Variants in NTM observed in about 807,000 individuals in gnomAD.
The protein encoded by NTM is IgLON family member 2.
NTM carries 13 observed loss-of-function variants against 42.1 expected under a neutral mutation model. That is an observed-to-expected ratio of 0.31 (90% CI 0.20 to 0.49). NTM has a LOEUF of 0.49. Among genes scored for constraint, NTM ranks in the 20% least tolerant of loss-of-function variants. The pLI is 0.99. For synonymous variants in NTM, 187 were observed against 179.2 expected (o/e 1.04, Z -0.35); for missense variants, 373 against 452.8 (o/e 0.82, Z 1.60).
At chr11:131,973,334 A>C (rs1219885295) in intron 2 of NTM, among the ~76,000 whole-genome samples, 2 of 152,236 alleles carry the variant, frequency 1.3e-5, no homozygotes, top group East Asian at 3.8e-4. Flanking sequence ...AGAATTCTAA[A>C]TGTGAGGCCT....
intron 1 of NTM, among the ~76,000 whole-genome samples, chr11:131,508,076 A>G (rs1353162273): frequency 0.01 from 1,498 of 148,910 alleles, 21 homozygotes; most frequent in African/African-American, 0.036. Flanking sequence ...AGCAAAAGAA[A>G]CTACCATCAG....
chr11:132,025,096 T>A (rs924883159), intron 2 of NTM, among the ~76,000 whole-genome samples: 9 of 152,140 alleles, frequency 5.9e-5, no homozygotes, highest in Non-Finnish European at 1.3e-4. Flanking sequence ...GGGATTCAGC[T>A]ACAGAGGGGA....
At chr11:131,695,663 C>T (rs907568085) in intron 1 of NTM, among the ~76,000 whole-genome samples, 7 of 152,128 alleles carry the variant, frequency 4.6e-5, no homozygotes, top group African/African-American at 1.2e-4. Flanking sequence ...GCAACTTCAC[C>T]GGCATGCCCA....
chr11:132,009,307 G>C (rs1310776386), intron 2 of NTM, among the ~76,000 whole-genome samples: 3 of 152,138 alleles, frequency 2.0e-5, no homozygotes, highest in Non-Finnish European at 2.9e-5. Flanking sequence ...ACTCCTCATT[G>C]TGTACCTGGC....
chr11:131,867,761 T>A (rs1446166667), intron 1 of NTM, among the ~76,000 whole-genome samples: 1 of 152,168 alleles, frequency 6.6e-6, no homozygotes, highest in Non-Finnish European at 1.5e-5. Context: ...TATGCCTGTG[T>A]GTATGATGCG....
chr11:131,529,562 A>G (rs950727879), intron 1 of NTM, among the ~76,000 whole-genome samples: 3 of 152,172 alleles, frequency 2.0e-5, no homozygotes, highest in African/African-American at 7.2e-5. Flanking sequence ...TCCAGGGAAA[A>G]TGTGGGTTTC....
chr11:131,768,718 G>A (rs915985134), intron 1 of NTM, among the ~76,000 whole-genome samples: 3 of 152,136 alleles, frequency 2.0e-5, no homozygotes, highest in African/African-American at 7.2e-5. Context: ...ACATGAACTA[G>A]GTGTCACGTA....
intron 1 of NTM, among the ~76,000 whole-genome samples, chr11:131,408,213 C>A (rs1946019128): frequency 6.6e-6 from 1 of 152,124 alleles, no homozygotes; most frequent in Non-Finnish European, 1.5e-5. Context: ...CCCTCCCCGG[C>A]CAAAAGAGGG....
rs112768807 is a variant in NTM, at chr11:132,142,149, C to T, written c.168-4133C>T. On this transcript the variant is annotated intron_variant, in intron 2 of 8. Coordinates refer to ENST00000683400, the MANE Select transcript of NTM (RefSeq NM_001352005.2). ...ACGAAAGGGGAGAGGCTTTGCAGGTCTGATCTGGGAACATCCCGCCCTTTT... is the reference window on the plus strand; with the variant it reads ...ACGAAAGGGGAGAGGCTTTGCAGGTTTGATCTGGGAACATCCCGCCCTTTT... Among the ~76,000 whole-genome samples the T allele has an allele frequency of 6.6e-3, 1,001 of 152,312 alleles. 19 individuals are homozygous for T. Among genetic ancestry groups the T allele is most frequent in the African/African-American group, 0.023 (965 of 41,576 alleles).
chr11:131,683,784 G>A (rs2073380145), intron 1 of NTM, among the ~76,000 whole-genome samples: 1 of 152,200 alleles, frequency 6.6e-6, no homozygotes, highest in Non-Finnish European at 1.5e-5. Flanking sequence ...AGTTTTAGAG[G>A]AAGGTCCCCT....
At chr11:131,410,075 C>T (rs1006064530) in intron 1 of NTM, among the ~76,000 whole-genome samples, 2 of 152,072 alleles carry the variant, frequency 1.3e-5, no homozygotes, top group Non-Finnish European at 2.9e-5. Flanking sequence ...GAGCAGGGAG[C>T]AACAGATGGC....
chr11:131,991,565 A>C (rs2067027926), intron 2 of NTM, among the ~76,000 whole-genome samples: 1 of 151,904 alleles, frequency 6.6e-6, no homozygotes, highest in African/African-American at 2.4e-5. Flanking sequence ...CAGACAAGAC[A>C]AGTGTCAGTG....
In NTM at chr11:132,002,015, A is replaced by G. The variant is rs774339272; in HGVS notation, c.167+90367A>G. 6.6e-6 allele frequency among the ~76,000 whole-genome samples: 1 copy of G among 152,162 alleles called. No homozygotes were observed. Among genetic ancestry groups the G allele is most frequent in the African/African-American group, 2.4e-5 (1 of 41,448 alleles). On this transcript the variant is annotated intron_variant, in intron 2 of 8. Transcript: ENST00000683400. The surrounding 1 kb of genome is among the most constrained non-coding windows in gnomAD (Gnocchi z 4.5). Reference sequence around the variant, plus strand: ...AAGCCTCATGTGTAGAAAAACTTGAATAAAAGCAATGGCAGGGACAGCCAA... The same window carrying G: ...AAGCCTCATGTGTAGAAAAACTTGAGTAAAAGCAATGGCAGGGACAGCCAA...
intron 2 of NTM, among the ~76,000 whole-genome samples, chr11:131,943,217 G>A (rs1433975112): frequency 4.6e-5 from 7 of 152,114 alleles, no homozygotes; most frequent in African/African-American, 1.7e-4. Context: ...TGCAGAGGCC[G>A]CATCTCCACT....
chr11:131,507,819 A>G (rs1202124714), intron 1 of NTM, among the ~76,000 whole-genome samples: 8 of 150,708 alleles, frequency 5.3e-5, no homozygotes, highest in South Asian at 2.1e-4. Context: ...CTTTGAAGCA[A>G]TTGTGAATGG....
intron 2 of NTM, chr11:131,922,047 C>T (rs963861380): frequency 1.3e-5 from 2 of 152,448 alleles, no homozygotes; most frequent in Non-Finnish European, 2.9e-5. Flanking sequence ...TTTGAATGTT[C>T]CCCCCTTATT....
chr11:131,856,240 T>C (rs1252020553), intron 1 of NTM, among the ~76,000 whole-genome samples: 1 of 152,146 alleles, frequency 6.6e-6, no homozygotes, highest in African/African-American at 2.4e-5. Flanking sequence ...AGAAACTCCA[T>C]CTCTAAGAGT....
chr11:131,850,224 A>C (rs1056898769), intron 1 of NTM, among the ~76,000 whole-genome samples: 2 of 152,206 alleles, frequency 1.3e-5, no homozygotes, highest in African/African-American at 2.4e-5. Flanking sequence ...ACTGATGTAA[A>C]GAATTGCCAC....
chr11:132,184,142 G>A (rs1020988733), intron 3 of NTM, among the ~76,000 whole-genome samples: 1 of 152,166 alleles, frequency 6.6e-6, no homozygotes, highest in Non-Finnish European at 1.5e-5. Context: ...GTGAGTTTAC[G>A]GGGGTGTCCG....
Sources: allele counts gnomAD v4.1 joint callset (sites outside exome capture counted in the v4.1 genomes callset), GRCh38; gene constraint gnomAD v4.1.1; non-coding constraint Gnocchi (gnomAD v3.1); transcripts MANE v1.5; gene names NCBI Gene and HGNC (gene_info 2026-07-23, HGNC 2026-07-21).